XRN2: variants seen among roughly 807,000 people sequenced by gnomAD.
The protein encoded by XRN2 is 5'-3' exoribonuclease 2.
Under a neutral mutation model 138.5 loss-of-function variants are expected in XRN2, and 44 were observed. That is an observed-to-expected ratio of 0.32 (90% CI 0.25 to 0.41). The LOEUF (loss-of-function observed/expected upper bound fraction) is 0.41. XRN2 is among the 10% of genes least tolerant of loss of function. XRN2 has a pLI of 1.00. For missense variants in XRN2, 937 were observed against 1,169.3 expected, an observed-to-expected ratio of 0.80 and a Z score of 2.90; for synonymous variants, 354 against 369.4, an observed-to-expected ratio of 0.96 and a Z score of 0.48.
At chr20:21,385,216 G>A (rs2038925222) in intron 28 of XRN2, among the ~76,000 whole-genome samples, 1 of 152,030 alleles carries the variant, frequency 6.6e-6, no homozygotes, top group African/African-American at 2.4e-5. Context: ...TTTTATTATT[G>A]TAAGACTCAA....
intron 1 of XRN2, among the ~76,000 whole-genome samples, chr20:21,320,532 A>T (rs1297797215): frequency 6.6e-6 from 1 of 151,378 alleles, no homozygotes; most frequent in Non-Finnish European, 1.5e-5. Context: ...ATCTCCTGAC[A>T]TCGTGATCGG....
At chr20:21,330,144 G>C (rs1456744339) in intron 4 of XRN2, among the ~76,000 whole-genome samples, 2 of 152,002 alleles carry the variant, frequency 1.3e-5, no homozygotes, top group Admixed American at 1.3e-4. Context: ...TTAGCCAGGC[G>C]TGGTGGCAGG....
intron 13 of XRN2, among the ~76,000 whole-genome samples, chr20:21,334,758 G>A (rs2038262399): frequency 6.6e-6 from 1 of 152,190 alleles, no homozygotes; most frequent in Non-Finnish European, 1.5e-5. Context: ...GAATTTGCTG[G>A]TGCCATTTAC....
intron 27 of XRN2, among the ~76,000 whole-genome samples, chr20:21,371,310 A>T (rs1447517237): frequency 6.6e-6 from 1 of 151,900 alleles, no homozygotes; most frequent in Admixed American, 6.6e-5. Context: ...TAGTGTATTC[A>T]CTCTCTGTCT....
chr20:21,322,029 C>T (rs1210511569), intron 1 of XRN2, among the ~76,000 whole-genome samples: 4 of 152,134 alleles, frequency 2.6e-5, no homozygotes, highest in African/African-American at 9.7e-5. Flanking sequence ...GGTTTTAAAT[C>T]CTAGTTCCTG....
At chr20:21,371,273 T>C (rs982096941) in intron 27 of XRN2, among the ~76,000 whole-genome samples, 3 of 152,214 alleles carry the variant, frequency 2.0e-5, no homozygotes, top group African/African-American at 7.2e-5. Context: ...GTTCTATAGG[T>C]CTTACTCTTT....
intron 13 of XRN2, among the ~76,000 whole-genome samples, chr20:21,335,326 C>A (rs976042845): frequency 1.3e-5 from 2 of 152,290 alleles, no homozygotes; most frequent in Admixed American, 1.3e-4. Flanking sequence ...CTTTCAGAAA[C>A]TGATTTTATA....
At chr20:21,354,614 A>G (rs1296968568) in intron 20 of XRN2, among the ~76,000 whole-genome samples, 175 bp from the exon 21 acceptor site, 1 of 152,236 alleles carries the variant, frequency 6.6e-6, no homozygotes, top group African/African-American at 2.4e-5. Flanking sequence ...TTCTGCAACT[A>G]CAGGGGAAAT....
At chr20:21,354,687 C>A in intron 20 of XRN2, 102 bp from the exon 21 acceptor site, 2 of 1,059,706 alleles carry the variant, frequency 1.9e-6, no homozygotes, top group South Asian at 1.5e-5. Flanking sequence ...GTTTTTGTAT[C>A]AGCAAGGAAA....
chr20:21,311,785 C>T (rs568527245), intron 1 of XRN2, among the ~76,000 whole-genome samples: 2 of 152,062 alleles, frequency 1.3e-5, no homozygotes, highest in Middle Eastern at 3.4e-3. Flanking sequence ...GCCAGGAGTT[C>T]GAGAGCAGCC....
At chr20:21,352,187 A>G (rs1600701453) in intron 20 of XRN2, among the ~76,000 whole-genome samples, 3 of 152,194 alleles carry the variant, frequency 2.0e-5, no homozygotes, top group Non-Finnish European at 4.4e-5. Flanking sequence ...TTTCTTCCTC[A>G]TACATGTTTT....
rs779863575 is a variant in XRN2 at position 21,326,486 on chromosome 20, A to G, written c.204-4A>G. Reference sequence around the variant, plus strand: ...TATATTACATTGTTTGGTTGTCATTATAGACCAGCACCAAAAAATGAAGAT... The same window carrying G: ...TATATTACATTGTTTGGTTGTCATTGTAGACCAGCACCAAAAAATGAAGAT... On this transcript the variant is annotated splice_region_variant and splice_polypyrimidine_tract_variant and intron_variant, in intron 2 of 29. Transcript: ENST00000377191. 1.4e-5 allele frequency: 22 copies of G among 1,613,884 alleles called. No homozygotes were observed. In the South Asian group the frequency reaches 2.2e-4, roughly 16 times the overall value.
chr20:21,368,440 T>C (rs1157842508), intron 26 of XRN2, 23 bp from the exon 27 acceptor site: 1 of 1,611,846 alleles, frequency 6.2e-7, no homozygotes, highest in African/African-American at 1.3e-5. Flanking sequence ...AATTTTTTTT[T>C]CTTGTGTTGG....
intron 26 of XRN2, among the ~76,000 whole-genome samples, chr20:21,368,160 G>A (rs908506541): frequency 9.2e-5 from 14 of 151,986 alleles, no homozygotes; most frequent in African/African-American, 3.1e-4. Context: ...GGATCCTTAA[G>A]GACAAAACTG....
Position 21,328,708 on chromosome 20 carries a change from A to G in XRN2, c.427+38A>G, listed in dbSNP as rs370710597. ...CATCTTGAAGTTGGATTTTTTCATA[A>G]GATGTATGCAGAATGAGGGGGTGGT... On this transcript the variant is annotated intron_variant, in intron 4 of 29. Transcript: ENST00000377191. 2.0e-5 allele frequency: 32 copies of G among 1,583,530 alleles called. No individual in the cohort carries two copies. The East Asian group carries it at 2.2e-4, about 11-fold the overall frequency.
At chr20:21,332,487 T>C (rs1219055503) in intron 9 of XRN2, 47 bp downstream of exon 9, 10 of 1,476,226 alleles carry the variant, frequency 6.8e-6, no homozygotes, top group Non-Finnish European at 8.2e-6. Flanking sequence ...AAAAAATCTA[T>C]TGTGGTAAAA....
At chr20:21,303,509 C>A in intron 1 of XRN2, 36 bp downstream of exon 1, 2 of 1,533,218 alleles carry the variant, frequency 1.3e-6, no homozygotes, top group Non-Finnish European at 1.8e-6. Flanking sequence ...CACTCGAGCC[C>A]GGGCCCCCGG....
At chr20:21,313,590 TG>T (rs1164748766) in intron 1 of XRN2, among the ~76,000 whole-genome samples, 3 of 152,258 alleles carry the variant, frequency 2.0e-5, no homozygotes, top group Non-Finnish European at 4.4e-5. Flanking sequence ...GGCAACTATT[TG>T]GAAAATCTGA....
In XRN2 at chr20:21,357,773, A is replaced by G. The variant is rs1371507172; in HGVS notation, c.2236A>G (p.Thr746Ala). 2.8e-5 allele frequency: 44 copies of G among 1,599,364 alleles called. No individual in the cohort carries two copies. Among genetic ancestry groups the G allele is most frequent in the Non-Finnish European group, 3.6e-5 (42 of 1,173,310 alleles). The change falls in exon 24 of 30, where the codon ACA becomes GCA. Residue 746 changes from threonine to alanine, a missense_variant. Transcript: ENST00000377191. ...TCCTGTTCCTATGTTAAGGGATCTG[A>G]CACAGAACACTGTAGTCAGGTAAGT... Reference protein sequence around the residue: ...CSPVPMLRDLTQNTVVSINFK... With the variant: ...CSPVPMLRDLAQNTVVSINFK...
Sources: allele counts gnomAD v4.1 joint callset (sites outside exome capture counted in the v4.1 genomes callset), GRCh38; gene constraint gnomAD v4.1.1; transcripts MANE v1.5; gene names NCBI Gene and HGNC (gene_info 2026-07-23, HGNC 2026-07-21).